PNPLA8: variants seen among roughly 807,000 people sequenced by gnomAD.
PNPLA8 encodes the protein patatin like domain 8, phospholipase A2, also known as calcium-independent phospholipase A2-gamma.
PNPLA8 carries 39 observed loss-of-function variants against 76.9 expected under a neutral mutation model. That is an observed-to-expected ratio of 0.51 (90% CI 0.39 to 0.66). The LOEUF is 0.66. PNPLA8 is among the 30% of genes least tolerant of loss of function. The pLI is 0.00. For synonymous variants in PNPLA8, 301 were observed against 307.9 expected (o/e 0.98, Z 0.24); for missense variants, 887 against 918.0 (o/e 0.97, Z 0.44).
intron 4 of PNPLA8, among the ~76,000 whole-genome samples, chr7:108,505,974 T>C (rs1417025841): frequency 1.3e-5 from 2 of 152,122 alleles, no homozygotes; most frequent in Non-Finnish European, 2.9e-5. Context: ...AGTATAAACA[T>C]GGCCAATAAA....
At position 108,510,808 on chromosome 7, in the gene PNPLA8, G is replaced by T. The variant is rs1336489692; in HGVS notation, c.1206+3336C>A. 3 of 1,600,808 alleles carry T rather than the reference G, an allele frequency of 1.9e-6. No homozygotes were observed. In the African/African-American group the frequency reaches 4.0e-5, roughly 21 times the overall value. The stretch of plus-strand genomic sequence containing the variant: ...TCTGCATGGAGGATCTGATTCATGA[G>T]ATCTATACTGTTGGAAAACGCTTCA... On this transcript the variant is annotated intron_variant, in intron 4 of 10. Coordinates refer to ENST00000257694, the MANE Select transcript of PNPLA8 (RefSeq NM_001256007.3).
rs772615573 is a variant in PNPLA8, at chr7:108,497,480, T to TA, written c.1453+2dup. The TA allele has an allele frequency of 6.4e-7, 1 of 1,556,200 alleles. No homozygotes were observed. The highest frequency in any genetic ancestry group is 8.8e-7 in the Non-Finnish European group (1 of 1,133,440). On this transcript the variant is annotated splice_region_variant and intron_variant, in intron 6 of 10. Coordinates refer to ENST00000257694, the MANE Select transcript of PNPLA8 (RefSeq NM_001256007.3). ...TGCACCACTTCCATATAATAATAAT[T>TA]ACCTGTGCTTACACCACAAATGTAA... is the stretch of plus-strand genomic sequence containing the variant.
chr7:108,498,475 ATG>A (rs1861720929), intron 5 of PNPLA8, among the ~76,000 whole-genome samples: 1 of 148,444 alleles, frequency 6.7e-6, no homozygotes, highest in Non-Finnish European at 1.5e-5. Flanking sequence ...GGGTTTCACC[ATG>A]TTAGCCAGGA....
chr7:108,472,672 A>T lies in PNPLA8; in HGVS notation c.2078T>A (p.Val693Asp), dbSNP rs751258932. ...VINSATDTEE[V>D]HIMLDGLLPP... is the part of the protein sequence containing the mutation. ...TAACAGGCCATCAAGCATTATATGG[A>T]CTTCTGTTAAAGCAAAAAAGAAAAG... Residue 693 changes from valine (V) to aspartate (D), a missense_variant, in exon 11 of 11, where the codon GTC becomes GAC. Physicochemically the swap from Val to Asp is radical, Grantham distance 152. Transcript: ENST00000257694. The T allele has an allele frequency of 1.9e-6, 3 of 1,567,012 alleles. No individual in the cohort carries two copies. In the Admixed American group the frequency reaches 6.3e-5, roughly 33 times the overall value.
upstream of PNPLA8, among the ~76,000 whole-genome samples, chr7:108,526,807 A>G (rs1174347804): frequency 2.6e-5 from 4 of 152,242 alleles, no homozygotes; most frequent in Non-Finnish European, 5.9e-5. Context: ...GGGGCAAACT[A>G]CAGCCCTCAG....
upstream of PNPLA8, among the ~76,000 whole-genome samples, chr7:108,526,743 T>C (rs1864111707): frequency 1.3e-5 from 2 of 152,314 alleles, no homozygotes; most frequent in African/African-American, 4.8e-5. Context: ...GCCCCACAAA[T>C]GGTCCCACAC....
At chr7:108,480,986 C>A (rs1406989294) in intron 9 of PNPLA8, among the ~76,000 whole-genome samples, 2 of 152,238 alleles carry the variant, frequency 1.3e-5, no homozygotes, top group East Asian at 3.9e-4. Context: ...TATGGGACTT[C>A]TTTAAACTGC....
chr7:108,474,501 T>A (rs1377530451), intron 10 of PNPLA8, among the ~76,000 whole-genome samples: 1 of 152,216 alleles, frequency 6.6e-6, no homozygotes, highest in Non-Finnish European at 1.5e-5. Flanking sequence ...AGAAAGCTAC[T>A]AGAATAAGTG....
chr7:108,519,036 A>C (rs1342778709), intron 2 of PNPLA8, among the ~76,000 whole-genome samples: 1 of 151,584 alleles, frequency 6.6e-6, no homozygotes, highest in Non-Finnish European at 1.5e-5. Flanking sequence ...CATGTGAATG[A>C]AAGACAAAGT....
chr7:108,515,674 CA>C (rs1563986037), intron 2 of PNPLA8, 100 bp from the exon 3 acceptor site: 15 of 545,102 alleles, frequency 2.8e-5, no homozygotes, highest in East Asian at 7.4e-5. Flanking sequence ...CAAGCTGTCT[CA>C]AAAAAAGCAG....
At position 108,526,074 on chromosome 7, in the gene PNPLA8, G is replaced by A. The variant is rs746737864; in HGVS notation, c.-175C>T. On this transcript the variant is annotated 5_prime_UTR_variant, in exon 1 of 11. In the 5' UTR this introduces an upstream ATG that the reference lacks. Transcript: ENST00000257694. Reference sequence around the variant, plus strand: ...CTAGGGCTGCAGCGGCGACTCGCTCGTTCCCGGCAATGACGTCCACTCCAA... The same window carrying A: ...CTAGGGCTGCAGCGGCGACTCGCTCATTCCCGGCAATGACGTCCACTCCAA... 1.8e-4 allele frequency: 182 copies of A among 985,588 alleles called. No individual in the cohort carries two copies. The highest frequency in any genetic ancestry group is 2.1e-4 in the Non-Finnish European group (177 of 830,072). 61.1% of individuals were successfully genotyped at this position (985,588 alleles called of 1,614,324 possible). A position where few individuals can be genotyped will look rare whatever the true frequency, so the allele number is the denominator to read the frequency against.
rs530532169 is a variant in PNPLA8 at position 108,504,535 on chromosome 7, G to C, written c.1207-1893C>G. ...TGTCATGGCTTGGAAACTCAACAAA[G>C]ACCCAATTCACCCTAAATTGTTCCA... On this transcript the variant is annotated intron_variant, in intron 4 of 10. Coordinates refer to ENST00000257694, the MANE Select transcript of PNPLA8 (RefSeq NM_001256007.3). 7.2e-5 allele frequency among the ~76,000 whole-genome samples: 11 copies of C among 152,174 alleles called. No homozygotes were observed. In the South Asian group the frequency reaches 1.7e-3, roughly 23 times the overall value.
intron 10 of PNPLA8, among the ~76,000 whole-genome samples, chr7:108,477,389 T>C (rs115853390): frequency 0.012 from 1,800 of 152,260 alleles, 43 homozygotes; most frequent in African/African-American, 0.039. Flanking sequence ...ATTCAATGAA[T>C]AAAAGTCCTC....
intron 1 of PNPLA8, among the ~76,000 whole-genome samples, chr7:108,522,153 G>C (rs1863783578): frequency 6.6e-6 from 1 of 151,942 alleles, no homozygotes; most frequent in Non-Finnish European, 1.5e-5. Flanking sequence ...AATTAGCCGG[G>C]CGTGGTGGTA....
rs1379370785 is a variant in PNPLA8, at chr7:108,514,930, T to C, written c.562A>G (p.Ser188Gly). 1 of 1,608,492 alleles carries C rather than the reference T, an allele frequency of 6.2e-7. No homozygotes were observed. Among genetic ancestry groups the C allele is most frequent in the Non-Finnish European group, 8.5e-7 (1 of 1,178,626 alleles). ...IDKEEDIGKR[S>G]LFHYTSSITT... ...ATAGAACTTGTGTAATGAAAAAGACTGCGTTTACCTATATCTTCTTCTTTG... is the reference window on the plus strand; with the variant it reads ...ATAGAACTTGTGTAATGAAAAAGACCGCGTTTACCTATATCTTCTTCTTTG... Residue 188 changes from serine to glycine, a missense_variant, in exon 3 of 11, where the codon AGT becomes GGT. By Grantham distance (56) the Ser-to-Gly change is moderately conservative (BLOSUM62 0). Transcript: ENST00000257694.
chr7:108,477,917 C>T (rs879916963), intron 10 of PNPLA8, among the ~76,000 whole-genome samples: 1 of 152,168 alleles, frequency 6.6e-6, no homozygotes, highest in Admixed American at 6.5e-5. Context: ...ATTCAACATA[C>T]ACTCACTGAA....
In PNPLA8 at chr7:108,493,549, C is replaced by T. The variant is rs369402432; in HGVS notation, c.1626-2082G>A. On this transcript the variant is annotated intron_variant, in intron 7 of 10. Transcript: ENST00000257694. The stretch of plus-strand genomic sequence containing the variant: ...CCTCCCCAGTAGCTGGGACTACAGG[C>T]GCCCGCCCCCATGCCTGGCTTTTTT... Among the ~76,000 whole-genome samples the T allele has an allele frequency of 4.1e-5, 6 of 146,502 alleles. No homozygotes were observed. In the East Asian group the frequency reaches 6.2e-4, roughly 15 times the overall value.
chr7:108,514,902 G>T lies in PNPLA8; in HGVS notation c.590C>A (p.Thr197Asn). Reference sequence around the variant, plus strand: ...GTAGAATGAGTCTCCAAATTTTGTGGTTATAGAACTTGTGTAATGAAAAAG... The same window carrying T: ...GTAGAATGAGTCTCCAAATTTTGTGTTTATAGAACTTGTGTAATGAAAAAG... ...RSLFHYTSSI[T>N]TKFGDSFYFL... The change falls in exon 3 of 11, where the codon ACC becomes AAC. Residue 197 changes from threonine to asparagine, a missense_variant. Physicochemically the swap from Thr to Asn is moderately conservative, Grantham distance 65. Transcript: ENST00000257694. 6.2e-7 allele frequency: 1 copy of T among 1,608,644 alleles called. No individual in the cohort carries two copies. The highest frequency in any genetic ancestry group is 8.5e-7 in the Non-Finnish European group (1 of 1,177,398).
intron 10 of PNPLA8, 128 bp downstream of exon 10, chr7:108,479,056 C>A (rs1860198163): frequency 1.6e-6 from 1 of 637,798 alleles, no homozygotes; most frequent in African/African-American, 1.8e-5. Flanking sequence ...AATGTTTCCT[C>A]CCATGTACTT....
Sources: allele counts gnomAD v4.1 joint callset (sites outside exome capture counted in the v4.1 genomes callset), GRCh38; gene constraint gnomAD v4.1.1; transcripts MANE v1.5; gene names NCBI Gene and HGNC (gene_info 2026-07-23, HGNC 2026-07-21).